Variants in AHI1 observed in about 807,000 individuals in gnomAD.
AHI1 encodes the protein Abelson helper integration site 1, also known as jouberin.
A neutral mutation model predicts 149.3 loss-of-function variants in AHI1; 123 were observed. The ratio of observed to expected loss-of-function variants is 0.82; its 90% CI spans 0.71 to 0.96. The LOEUF is 0.96. Ranked by LOEUF, AHI1 falls within the 40% of genes least tolerant of loss-of-function variation. AHI1 has a pLI of 0.00. For missense variants in AHI1, 1,439 were observed against 1,422.7 expected (o/e 1.01, Z -0.18); for synonymous variants, 475 against 459.8 (o/e 1.03, Z -0.42).
intron 5 of AHI1, among the ~76,000 whole-genome samples, chr6:135,470,458 T>C (rs186822437): frequency 6.6e-6 from 1 of 152,300 alleles, no homozygotes; most frequent in East Asian, 1.9e-4. Context: ...AGCAATCCCA[T>C]TACTGGGTAT....
chr6:135,387,646 T>C, intron 23 of AHI1: 1 of 460,130 alleles, frequency 2.2e-6, no homozygotes, highest in Non-Finnish European at 3.0e-6. Context: ...ATTATTTGTC[T>C]CTTTGACATG....
chr6:135,298,180 C>T (rs746218414), intron 27 of AHI1, among the ~76,000 whole-genome samples: 13 of 151,850 alleles, frequency 8.6e-5, no homozygotes, highest in African/African-American at 1.2e-4. Context: ...ACAGGGCATG[C>T]GGTACAAAAT....
chr6:135,474,265 G>A lies in AHI1; in HGVS notation c.136-6631C>T, dbSNP rs545429255. ...ATTTTTTTGGGATATTAACATAGAC[G>A]ATTATGTCATTTGTGAATACACAGT... On this transcript the variant is annotated intron_variant, in intron 5 of 28. Transcript: ENST00000265602. Among the ~76,000 whole-genome samples, 13 of 152,206 alleles carry A rather than the reference G, an allele frequency of 8.5e-5. No homozygotes were observed. The South Asian group carries it at 1.0e-3, about 12-fold the overall frequency.
chr6:135,356,817 C>A lies in AHI1; in HGVS notation c.3165+1315G>T, dbSNP rs1321159058. Among the ~76,000 whole-genome samples, 3 of 151,918 alleles carry A rather than the reference C, an allele frequency of 2.0e-5. No homozygotes were observed. In the East Asian group the frequency reaches 5.8e-4, roughly 29 times the overall value. The stretch of plus-strand genomic sequence containing the variant: ...CATGTACTGGTCTTTTCTAAAGTCC[C>A]ACATATTAAGTTATCAAACATGTTA... On this transcript the variant is annotated intron_variant, in intron 24 of 28. Transcript: ENST00000265602.
chr6:135,362,962 T>C (rs988270183), intron 23 of AHI1, among the ~76,000 whole-genome samples: 1 of 151,770 alleles, frequency 6.6e-6, no homozygotes, highest in Admixed American at 6.6e-5. Context: ...GTTTTTCCAA[T>C]ATTATCTTCC....
intron 23 of AHI1, among the ~76,000 whole-genome samples, chr6:135,369,609 T>A (rs1774729415): frequency 6.6e-6 from 1 of 152,222 alleles, no homozygotes; most frequent in Admixed American, 6.5e-5. Flanking sequence ...CAATTCCAGT[T>A]GCATGTTTAA....
intron 10 of AHI1, 45 bp from the exon 11 acceptor site, chr6:135,453,481 T>C: frequency 1.5e-6 from 2 of 1,315,522 alleles, no homozygotes; most frequent in Non-Finnish European, 2.1e-6. Context: ...AAATTTAATA[T>C]TTTCTAATGG....
chr6:135,444,039 C>T (rs538640174), intron 13 of AHI1, among the ~76,000 whole-genome samples: 3 of 152,234 alleles, frequency 2.0e-5, no homozygotes, highest in East Asian at 3.9e-4. Flanking sequence ...GACTCTGTGC[C>T]CTATCCACAA....
chr6:135,337,945 G>A (rs1362399756), intron 24 of AHI1, among the ~76,000 whole-genome samples: 1 of 152,058 alleles, frequency 6.6e-6, no homozygotes, highest in African/African-American at 2.4e-5. Flanking sequence ...ATGAGCATTT[G>A]GTTTATGGGG....
At chr6:135,475,303 T>C (rs1325196947) in intron 5 of AHI1, among the ~76,000 whole-genome samples, 1 of 152,198 alleles carries the variant, frequency 6.6e-6, no homozygotes, top group Non-Finnish European at 1.5e-5. Context: ...TGTTTCCCAA[T>C]CAGCCTGGTT....
intron 5 of AHI1, 23 bp downstream of exon 5, chr6:135,490,600 T>C: frequency 6.2e-7 from 1 of 1,613,322 alleles, no homozygotes; most frequent in Non-Finnish European, 8.5e-7. Context: ...TAAATCACTA[T>C]TACCCAATGA....
At chr6:135,342,160 A>G (rs746259866) in intron 24 of AHI1, among the ~76,000 whole-genome samples, 29 of 151,910 alleles carry the variant, frequency 1.9e-4, no homozygotes, top group African/African-American at 2.4e-5. Flanking sequence ...TAAGGAAATG[A>G]ACTATCAATT....
At chr6:135,345,185 C>T (rs145674474) in intron 24 of AHI1, among the ~76,000 whole-genome samples, 29 of 152,212 alleles carry the variant, frequency 1.9e-4, no homozygotes, top group African/African-American at 5.1e-4. Context: ...TAACAAGTTA[C>T]GATGTGGGGA....
At chr6:135,482,319 T>G (rs1007676573) in intron 5 of AHI1, among the ~76,000 whole-genome samples, 1 of 152,212 alleles carries the variant, frequency 6.6e-6, no homozygotes, top group African/African-American at 2.4e-5. Flanking sequence ...ACAAAAAGCC[T>G]AGTCTAGTGT....
At chr6:135,478,555 A>G (rs542360969) in intron 5 of AHI1, among the ~76,000 whole-genome samples, 105 of 152,324 alleles carry the variant, frequency 6.9e-4, no homozygotes, top group African/African-American at 2.4e-3. Flanking sequence ...AACTATGCTC[A>G]TTTGCATAAA....
intron 23 of AHI1, among the ~76,000 whole-genome samples, chr6:135,359,878 T>A (rs564279893): frequency 6.6e-6 from 1 of 152,174 alleles, no homozygotes; most frequent in Admixed American, 6.5e-5. Flanking sequence ...ATATATACAG[T>A]TTATACAATA....
At chr6:135,404,080 C>T (rs1464931058) in intron 22 of AHI1, among the ~76,000 whole-genome samples, 2 of 151,390 alleles carry the variant, frequency 1.3e-5, no homozygotes, top group Non-Finnish European at 2.9e-5. Flanking sequence ...TCTAAATATA[C>T]TAACATTCTA....
chr6:135,350,905 AAGG>A (rs536016739), intron 24 of AHI1, among the ~76,000 whole-genome samples: 146 of 152,266 alleles, frequency 9.6e-4, no homozygotes, highest in Middle Eastern at 3.4e-3. Flanking sequence ...TCCTAAACAT[AAGG>A]AGAAGTTACT....
intron 20 of AHI1, among the ~76,000 whole-genome samples, chr6:135,425,178 TTG>T (rs891181791): frequency 1.3e-5 from 2 of 151,946 alleles, no homozygotes; most frequent in African/African-American, 2.4e-5. Flanking sequence ...ATATCAAAAA[TTG>T]TGTTTGTGAT....
Sources: gnomAD v4.1 joint callset for allele counts (sites outside exome capture counted in the v4.1 genomes callset) on GRCh38, gnomAD v4.1.1 for gene constraint, MANE v1.5 for transcripts, NCBI Gene and HGNC (gene_info 2026-07-23, HGNC 2026-07-21) for gene names.